The following CLIC5 variants were observed in gnomAD, a reference collection of about 807,000 sequenced individuals.
CLIC5 encodes the protein CLIC family member 5, also known as chloride intracellular channel protein 5.
In CLIC5, 20 loss-of-function variants were observed where a neutral mutation model predicts 24.7. That is an observed-to-expected ratio of 0.81 (90% confidence interval 0.57 to 1.18). The LOEUF (loss-of-function observed/expected upper bound fraction) is 1.18. Ranked by LOEUF, CLIC5 falls within the 50% of genes most tolerant of loss-of-function variation. The pLI, the probability that CLIC5 is intolerant of heterozygous loss-of-function variation, is 0.00. For missense variants in CLIC5, 341 were observed against 326.1 expected (o/e 1.05, Z -0.35); for synonymous variants, 159 against 135.6 (o/e 1.17, Z -1.20).
At chr6:46,008,291 C>G (rs1004897400) in intron 1 of CLIC5, among the ~76,000 whole-genome samples, 1 of 152,204 alleles carries the variant, frequency 6.6e-6, no homozygotes, top group African/African-American at 2.4e-5. Flanking sequence ...TGAGCATCCC[C>G]ATCTCCACAC....
intron 2 of CLIC5, 51 bp from the exon 3 acceptor site, chr6:45,949,432 T>C: frequency 1.1e-5 from 17 of 1,583,072 alleles, no homozygotes; most frequent in Non-Finnish European, 1.4e-5. Context: ...GTGCTTCCTG[T>C]TCTGGGAAAC....
chr6:45,905,517 TTA>T (rs1762635868), intron 5 of CLIC5, among the ~76,000 whole-genome samples: 1 of 151,744 alleles, frequency 6.6e-6, no homozygotes, highest in Non-Finnish European at 1.5e-5. Context: ...TGGCCACTTA[TTA>T]TGTCTTTTTT....
chr6:45,994,885 T>C (rs745691187), intron 1 of CLIC5, among the ~76,000 whole-genome samples: 7 of 152,160 alleles, frequency 4.6e-5, no homozygotes, highest in Non-Finnish European at 1.0e-4. Flanking sequence ...CAGAAAATAA[T>C]TAAAGGGAAC....
the CLIC5 span, among the ~76,000 whole-genome samples, chr6:46,120,540 G>A: frequency 6.6e-6 from 1 of 152,296 alleles, no homozygotes; most frequent in Admixed American, 6.5e-5. Flanking sequence ...CTCCTCCAAA[G>A]GAATGCAGCT....
chr6:45,958,260 C>G (rs1309253275), intron 1 of CLIC5, among the ~76,000 whole-genome samples: 1 of 151,336 alleles, frequency 6.6e-6, no homozygotes, highest in South Asian at 2.1e-4. Flanking sequence ...TGGCAGACAC[C>G]AAAAGCTAGA....
chr6:46,103,406 T>C, the CLIC5 span, among the ~76,000 whole-genome samples: 2 of 152,214 alleles, frequency 1.3e-5, no homozygotes, highest in African/African-American at 2.4e-5. Flanking sequence ...CTGTAGACAA[T>C]CTGCACTGAT....
At chr6:46,122,305 C>T in the CLIC5 span, among the ~76,000 whole-genome samples, 1 of 152,186 alleles carries the variant, frequency 6.6e-6, no homozygotes, top group African/African-American at 2.4e-5. Context: ...CACATGGAAA[C>T]TGCACAACCT....
At chr6:45,904,017 G>A (rs1162681469) in intron 5 of CLIC5, among the ~76,000 whole-genome samples, 1 of 152,192 alleles carries the variant, frequency 6.6e-6, no homozygotes, top group Non-Finnish European at 1.5e-5. Context: ...CAGGGGGGAT[G>A]TGGACTGGAG....
intron 1 of CLIC5, among the ~76,000 whole-genome samples, chr6:46,060,236 C>T (rs1762212253): frequency 6.6e-6 from 1 of 152,108 alleles, no homozygotes. Flanking sequence ...GTAAGAAGAG[C>T]TGAGGCATCC....
upstream of CLIC5, among the ~76,000 whole-genome samples, chr6:46,084,529 G>A (rs1314221477): frequency 6.6e-6 from 1 of 152,082 alleles, no homozygotes; most frequent in African/African-American, 2.4e-5. Flanking sequence ...TCCTTCACTT[G>A]TGAAGCTTAG....
the CLIC5 span, among the ~76,000 whole-genome samples, chr6:46,098,532 G>T: frequency 9.2e-5 from 14 of 152,238 alleles, no homozygotes; most frequent in African/African-American, 3.1e-4. Context: ...CTTCACATTT[G>T]ATATTTCAAA....
At position 46,014,932 on chromosome 6, in the gene CLIC5, T is replaced by A. The variant is rs373375927; in HGVS notation, c.63+548A>T. ...TAATAACGTCGGAGAATGGAGTGCT[T>A]GTTTTCTGCTTTGCAAGTCACCAAG... On this transcript the variant is annotated intron_variant, in intron 1 of 5. Transcript: ENST00000339561. Among the ~76,000 whole-genome samples, 13 of 152,252 alleles carry A rather than the reference T, an allele frequency of 8.5e-5. No homozygotes were observed. The East Asian group carries it at 2.3e-3, about 27-fold the overall frequency.
chr6:45,881,890 A>G (rs1371575387), intron 6 of CLIC5, among the ~76,000 whole-genome samples: 1 of 152,042 alleles, frequency 6.6e-6, no homozygotes, highest in African/African-American at 2.4e-5. Flanking sequence ...GAAATGTCGA[A>G]CTCGTGAACT....
At chr6:46,083,677 G>A (rs552576988), upstream of CLIC5, among the ~76,000 whole-genome samples, 7 of 152,262 alleles carry the variant, frequency 4.6e-5, no homozygotes, top group East Asian at 1.2e-3. Context: ...CTTTTGCCGA[G>A]GAGAGCTTTA....
chr6:45,947,789 G>A (rs1764336257), intron 3 of CLIC5, among the ~76,000 whole-genome samples: 1 of 152,148 alleles, frequency 6.6e-6, no homozygotes. Context: ...TGGCTGGCTG[G>A]TGTCCTCTTC....
In CLIC5 at chr6:45,952,341, G is replaced by A. The variant is rs145182705; in HGVS notation, c.173+2794C>T. Among the ~76,000 whole-genome samples the A allele has an allele frequency of 7.2e-3, 1,103 of 152,300 alleles. 19 individuals carry two copies. Among genetic ancestry groups the A allele is most frequent in the Admixed American group, 0.027 (420 of 15,296 alleles). Reference sequence around the variant, plus strand: ...GTATGATTTATGAATTATGTAATGAGGATCGGTCTTCTTTTCCTTACTGGA... The same window carrying A: ...GTATGATTTATGAATTATGTAATGAAGATCGGTCTTCTTTTCCTTACTGGA... On this transcript the variant is annotated intron_variant, in intron 2 of 5. Coordinates refer to ENST00000339561, the MANE Select transcript of CLIC5 (RefSeq NM_016929.5).
intron 1 of CLIC5, among the ~76,000 whole-genome samples, chr6:46,043,043 G>A (rs1162739242): frequency 6.6e-6 from 1 of 152,180 alleles, no homozygotes; most frequent in Non-Finnish European, 1.5e-5. Context: ...TCAGAAGTGT[G>A]TAATTTGCAG....
chr6:45,944,130 C>T (rs1410654435), intron 3 of CLIC5, among the ~76,000 whole-genome samples: 1 of 151,890 alleles, frequency 6.6e-6, no homozygotes, highest in African/African-American at 2.4e-5. Flanking sequence ...TTTTTTCTAA[C>T]TCAGGAGTCA....
intron 1 of CLIC5, among the ~76,000 whole-genome samples, chr6:46,060,315 TAAAG>T (rs1762214293): frequency 6.6e-6 from 1 of 152,090 alleles, no homozygotes; most frequent in Non-Finnish European, 1.5e-5. Flanking sequence ...TTTTTTTAAT[TAAAG>T]AAATCAAACT....
Sources: allele counts gnomAD v4.1 joint callset (sites outside exome capture counted in the v4.1 genomes callset), GRCh38; gene constraint gnomAD v4.1.1; transcripts MANE v1.5; gene names NCBI Gene and HGNC (gene_info 2026-07-23, HGNC 2026-07-21).